Variants in CRY1 observed in about 807,000 individuals in gnomAD.
CRY1 encodes the protein cryptochrome circadian regulator 1, also known as cryptochrome-1.
CRY1 carries 45 observed loss-of-function variants against 76.0 expected under a neutral mutation model. The observed-to-expected ratio is 0.59, with a 90% CI of 0.47 to 0.76. The LOEUF (loss-of-function observed/expected upper bound fraction) is 0.76. Ranked by LOEUF, CRY1 falls within the 30% of genes least tolerant of loss-of-function variation. The probability of loss-of-function intolerance (pLI) is 0.00; values close to 1 mark genes in which losing one functional copy is unlikely to be tolerated. For missense variants in CRY1, 587 were observed against 716.4 expected (o/e 0.82, Z 2.06); for synonymous variants, 248 against 244.0 (o/e 1.02, Z -0.15).
intron 1 of CRY1, among the ~76,000 whole-genome samples, chr12:107,022,957 G>A (rs774437370): frequency 1.9e-4 from 29 of 151,982 alleles, no homozygotes; most frequent in Non-Finnish European, 3.1e-4. Flanking sequence ...GGAAAATTCT[G>A]GGGCAGTACC....
Position 106,999,818 on chromosome 12 carries a change from C to T in CRY1, c.870G>A (p.Leu290=), listed in dbSNP as rs761303150. 2 of 1,613,964 alleles carry T rather than the reference C, an allele frequency of 1.2e-6. No individual in the cohort carries two copies. The highest frequency in any genetic ancestry group is 1.3e-5 in the African/African-American group (1 of 74,904). Residue 290 remains leucine, a synonymous_variant, in exon 7 of 13, where the codon CTG becomes CTA. Coordinates refer to ENST00000008527, the MANE Select transcript of CRY1 (RefSeq NM_004075.5). Reference sequence around the variant, plus strand: ...CTGTATAGAAAAATTCACGCCATAACAGTTGCCCATAAAGGGAAAGGGGAG... The same window carrying T: ...CTGTATAGAAAAATTCACGCCATAATAGTTGCCCATAAAGGGAAAGGGGAG... ...SSPPLSLYGQ[L]LWREFFYTAA...
intron 1 of CRY1, among the ~76,000 whole-genome samples, chr12:107,046,604 T>G (rs1235548912): frequency 6.6e-6 from 1 of 152,142 alleles, no homozygotes; most frequent in East Asian, 1.9e-4. Context: ...AAATGGATTT[T>G]AAAAACAAAA....
intron 1 of CRY1, among the ~76,000 whole-genome samples, chr12:107,057,594 G>T (rs1952998534): frequency 6.6e-6 from 1 of 152,146 alleles, no homozygotes; most frequent in Non-Finnish European, 1.5e-5. Context: ...AGCTGGGCGT[G>T]GTGGTATGTG....
chr12:107,068,426 G>C (rs1052748187), intron 1 of CRY1, among the ~76,000 whole-genome samples: 1 of 152,124 alleles, frequency 6.6e-6, no homozygotes, highest in Non-Finnish European at 1.5e-5. Context: ...CTCCTGAGTA[G>C]CTGGGACTAC....
chr12:107,003,899 C>T (rs61226453), intron 3 of CRY1, among the ~76,000 whole-genome samples: 21,558 of 150,942 alleles, frequency 0.14, 2,811 homozygotes, highest in African/African-American at 0.34. Flanking sequence ...GTCTGCCTCC[C>T]GGGTTCAAGT....
At chr12:107,024,534 G>A (rs1952587731) in intron 1 of CRY1, among the ~76,000 whole-genome samples, 1 of 151,844 alleles carries the variant, frequency 6.6e-6, no homozygotes, top group Non-Finnish European at 1.5e-5. Flanking sequence ...ATGCCATCAT[G>A]CCCAGCTAAT....
intron 1 of CRY1, among the ~76,000 whole-genome samples, chr12:107,084,398 AG>A (rs1953369346): frequency 6.6e-6 from 1 of 152,226 alleles, no homozygotes; most frequent in Non-Finnish European, 1.5e-5. Flanking sequence ...AAAAGAACAA[AG>A]CTGGAAGCAT....
chr12:107,084,639 A>G (rs1953373471), intron 1 of CRY1, among the ~76,000 whole-genome samples: 1 of 152,174 alleles, frequency 6.6e-6, no homozygotes, highest in South Asian at 2.1e-4. Flanking sequence ...CTGAAACTGG[A>G]CCCCTTCCTT....
rs1952254475 is a variant in CRY1, at chr12:106,998,083, A to G, written c.1138-17T>C. 1.2e-6 allele frequency: 2 copies of G among 1,613,582 alleles called. No individual in the cohort carries two copies. Among genetic ancestry groups the G allele is most frequent in the African/African-American group, 1.3e-5 (1 of 75,038 alleles). ...TTCAAATACCTTCAGAAGTAACAGT[A>G]ACCAATTAGTTTGCACACACATAAT... On this transcript the variant is annotated splice_polypyrimidine_tract_variant and intron_variant, in intron 7 of 12. Coordinates refer to ENST00000008527, the MANE Select transcript of CRY1 (RefSeq NM_004075.5).
At chr12:106,996,610 T>C (rs1467088820) in intron 10 of CRY1, among the ~76,000 whole-genome samples, 1 of 152,226 alleles carries the variant, frequency 6.6e-6, no homozygotes, top group Non-Finnish European at 1.5e-5. Context: ...CCTTCCTTTT[T>C]CTCTGCATCC....
At chr12:107,091,039 T>C (rs116135161) in intron 1 of CRY1, among the ~76,000 whole-genome samples, 1,881 of 151,766 alleles carry the variant, frequency 0.012, 32 homozygotes, top group African/African-American at 0.043. Flanking sequence ...CACCAAACTA[T>C]AAGTCCTTTT....
At chr12:107,046,928 G>A (rs928695761) in intron 1 of CRY1, among the ~76,000 whole-genome samples, 2 of 152,112 alleles carry the variant, frequency 1.3e-5, no homozygotes, top group African/African-American at 4.8e-5. Flanking sequence ...TACAATAATA[G>A]GGACTTAATC....
intron 1 of CRY1, among the ~76,000 whole-genome samples, chr12:107,044,383 C>T (rs1053934423): frequency 2.0e-5 from 3 of 152,168 alleles, no homozygotes; most frequent in African/African-American, 7.2e-5. Context: ...ACAGCCTAGG[C>T]TACTGAGGTG....
intron 2 of CRY1, among the ~76,000 whole-genome samples, chr12:107,009,861 C>G (rs1475736105): frequency 6.6e-6 from 1 of 151,578 alleles, no homozygotes; most frequent in African/African-American, 2.4e-5. Flanking sequence ...CTCAAACTTT[C>G]CTTGTCAGGT....
intron 1 of CRY1, among the ~76,000 whole-genome samples, chr12:107,034,815 A>T (rs1338000282): frequency 6.6e-6 from 1 of 152,202 alleles, no homozygotes; most frequent in Non-Finnish European, 1.5e-5. Flanking sequence ...ATACAGAAAA[A>T]AATAAATACA....
intron 1 of CRY1, among the ~76,000 whole-genome samples, chr12:107,028,434 T>C (rs1278410886): frequency 6.6e-6 from 1 of 152,162 alleles, no homozygotes; most frequent in Non-Finnish European, 1.5e-5. Context: ...ACTTTGCATT[T>C]GCCACACTCT....
intron 10 of CRY1, among the ~76,000 whole-genome samples, chr12:106,994,132 A>C (rs1952208836): frequency 1.3e-5 from 2 of 152,178 alleles, no homozygotes; most frequent in Non-Finnish European, 2.9e-5. Flanking sequence ...GTACTATAAA[A>C]GCCTACAGAC....
intron 1 of CRY1, among the ~76,000 whole-genome samples, chr12:107,035,944 C>T (rs996480463): frequency 4.6e-5 from 7 of 152,194 alleles, no homozygotes; most frequent in African/African-American, 1.7e-4. Context: ...CAGTAACAAA[C>T]AACCTCCCAA....
intron 1 of CRY1, among the ~76,000 whole-genome samples, chr12:107,035,580 T>C (rs1952724996): frequency 6.6e-6 from 1 of 152,148 alleles, no homozygotes; most frequent in Non-Finnish European, 1.5e-5. Flanking sequence ...CTGAAACATA[T>C]ACTGGTTAAG....
Sources: allele counts gnomAD v4.1 joint callset (sites outside exome capture counted in the v4.1 genomes callset), GRCh38; gene constraint gnomAD v4.1.1; transcripts MANE v1.5; gene names NCBI Gene and HGNC (gene_info 2026-07-23, HGNC 2026-07-21).